The following ADAMTS10 variants were observed in gnomAD, a reference collection of about 807,000 sequenced individuals.
ADAMTS10 encodes the protein A disintegrin and metalloproteinase with thrombospondin motifs 10.
ADAMTS10 carries 48 observed loss-of-function variants against 135.9 expected under a neutral mutation model. That is an observed-to-expected ratio of 0.35 (90% CI 0.28 to 0.45). ADAMTS10 has a LOEUF of 0.45. Ranked by LOEUF, ADAMTS10 falls within the 20% of genes least tolerant of loss-of-function variation. ADAMTS10 has a pLI of 1.00. For synonymous variants in ADAMTS10, 621 were observed against 647.5 expected (o/e 0.96, Z 0.62); for missense variants, 1,131 against 1,565.2 (o/e 0.72, Z 4.68).
chr19:8,580,706 T>G lies in ADAMTS10; in HGVS notation c.*187A>C. On this transcript the variant is annotated 3_prime_UTR_variant, in exon 26 of 26. Coordinates refer to ENST00000597188, the MANE Select transcript of ADAMTS10 (RefSeq NM_030957.4). ...AGGGGCGGATGCTGAAGAGGGGCTC[T>G]GGGGGGATAGCCAGCCCCTCTCCAT... is the stretch of plus-strand genomic sequence containing the variant. 1 of 592,406 alleles carries G rather than the reference T, an allele frequency of 1.7e-6. No individual in the cohort carries two copies. The highest frequency in any genetic ancestry group is 1.9e-5 in the South Asian group (1 of 51,892). 36.7% of individuals were successfully genotyped at this position (592,406 alleles called of 1,614,324 possible).
chr19:8,607,210 A>G (rs1292817855), intron 2 of ADAMTS10, among the ~76,000 whole-genome samples: 1 of 152,202 alleles, frequency 6.6e-6, no homozygotes, highest in Non-Finnish European at 1.5e-5. Flanking sequence ...GGGTAGCACC[A>G]TTCAAGCCAG....
rs1555741941 is a variant in ADAMTS10 at position 8,603,806 on chromosome 19, C to T, written c.514G>A (p.Glu172Lys). The T allele has an allele frequency of 4.3e-6, 7 of 1,614,158 alleles. No homozygotes were observed. The highest frequency in any genetic ancestry group is 5.9e-6 in the Non-Finnish European group (7 of 1,180,042). Residue 172 changes from glutamate (E) to lysine (K), a missense_variant, in exon 5 of 26, where the codon GAG becomes AAG. Physicochemically the swap from Glu to Lys is moderately conservative, Grantham distance 56 (BLOSUM62 1). Around this residue, in one of 3 missense-constraint regions of ADAMTS10, gnomAD observed 306 missense variants for 344.4 expected, o/e 0.89. Transcript: ENST00000597188. ...HGGPKGSRSP[E>K]ESGPHVVYKR... ...TACACCACATGTGGTCCACTTTCCT[C>T]CGGGCTCCGAGAACCCTTGGGCCCA...
chr19:8,605,943 C>T lies in ADAMTS10; in HGVS notation c.-99-134G>A. 1.2e-6 allele frequency: 1 copy of T among 823,128 alleles called. No homozygotes were observed. The highest frequency in any genetic ancestry group is 1.8e-6 in the Non-Finnish European group (1 of 543,416). 51.0% of individuals were successfully genotyped at this position (823,128 alleles called of 1,614,324 possible). ...TGCATTTTCTCACTCAGTCACTCCC[C>T]TCTCCCCACCTCCCCTTCCAATCCT... On this transcript the variant is annotated intron_variant, in intron 2 of 25. Transcript: ENST00000597188. This position sits in a 1 kb window ranked among gnomAD's most constrained non-coding sequence, Gnocchi z 7.7.
In ADAMTS10 at chr19:8,585,522, T is replaced by A. The variant is rs1555736792; in HGVS notation, c.2799A>T (p.Pro933=). 1 of 1,555,346 alleles carries A rather than the reference T, an allele frequency of 6.4e-7. No homozygotes were observed. The highest frequency in any genetic ancestry group is 1.9e-5 in the Admixed American group (1 of 51,828). The part of the protein sequence containing the change: ...LDDSACPQPR[P]PVLEACHGPT... ...GGCCGTGGCAGGCCTCCAGTACAGG[T>A]GGGCGCGGCTGCGGGCATGCGCTGT... The change falls in exon 23 of 26, where the codon CCA becomes CCT. Residue 933 remains proline (P), a synonymous_variant. Coordinates refer to ENST00000597188, the MANE Select transcript of ADAMTS10 (RefSeq NM_030957.4).
intron 13 of ADAMTS10, chr19:8,592,318 G>A (rs2042545377): frequency 3.2e-6 from 3 of 925,882 alleles, no homozygotes; most frequent in Non-Finnish European, 4.8e-6. Context: ...AGCACAGGGT[G>A]CTTAACGGGG....
chr19:8,596,440 GC>G lies in ADAMTS10; in HGVS notation c.1085-29del. On this transcript the variant is annotated intron_variant, in intron 9 of 25. Transcript: ENST00000597188. The surrounding 1 kb of genome is among the most constrained non-coding windows in gnomAD (Gnocchi z 7.2). The stretch of plus-strand genomic sequence containing the variant: ...GGGAAGACGGACATGTGGGGATGGG[GC>G]TGGGAGGCTCAGGACGGTGCTGGCT... 6.2e-7 allele frequency: 1 copy of G among 1,613,612 alleles called. No individual in the cohort carries two copies. Among genetic ancestry groups the G allele is most frequent in the Admixed American group, 1.7e-5 (1 of 59,962 alleles).
intron 18 of ADAMTS10, among the ~76,000 whole-genome samples, chr19:8,588,778 G>C (rs2042474903): frequency 6.6e-6 from 1 of 151,772 alleles, no homozygotes; most frequent in South Asian, 2.1e-4. Flanking sequence ...ACAGATTCGG[G>C]CTCCTGTCTC....
At chr19:8,592,429 G>A (rs1050737682) in intron 13 of ADAMTS10, among the ~76,000 whole-genome samples, 1 of 152,028 alleles carries the variant, frequency 6.6e-6, no homozygotes. Flanking sequence ...CCAGAGCCGA[G>A]GGCAGCACAG....
rs1211594981 is a variant in ADAMTS10, at chr19:8,605,367, G to T, written c.89-9C>A. 2 of 1,585,952 alleles carry T rather than the reference G, an allele frequency of 1.3e-6. No homozygotes were observed. The highest frequency in any genetic ancestry group is 1.3e-5 in the African/African-American group (1 of 74,506). ...ACTGGACAGGAACTCATCTGTGGGT[G>T]AGGGTCAGAGGCCTGGGGTGGGCCC... On this transcript the variant is annotated splice_polypyrimidine_tract_variant and intron_variant, in intron 3 of 25. Coordinates refer to ENST00000597188, the MANE Select transcript of ADAMTS10 (RefSeq NM_030957.4). This position sits in a 1 kb window ranked among gnomAD's most constrained non-coding sequence, Gnocchi z 7.7.
At chr19:8,581,695 C>T (rs782471669) in intron 25 of ADAMTS10, among the ~76,000 whole-genome samples, 9 of 151,702 alleles carry the variant, frequency 5.9e-5, no homozygotes, top group African/African-American at 9.7e-5. Context: ...ATTAGCTGGG[C>T]GTGGTGGCGG....
At chr19:8,585,109 C>G (rs1441496204) in intron 24 of ADAMTS10, 23 bp downstream of exon 24, 1 of 1,462,024 alleles carries the variant, frequency 6.8e-7, no homozygotes, top group African/African-American at 1.5e-5. Flanking sequence ...TGGCCCCCAC[C>G]CCTCTGGGGC....
chr19:8,584,767 TG>T, intron 25 of ADAMTS10, 127 bp downstream of exon 25: 1 of 1,334,882 alleles, frequency 7.5e-7, no homozygotes, highest in Non-Finnish European at 1.0e-6. Flanking sequence ...AAGGATGGCC[TG>T]GCAGAGACAC....
chr19:8,585,396 C>T, intron 23 of ADAMTS10, 60 bp downstream of exon 23: 2 of 1,535,642 alleles, frequency 1.3e-6, no homozygotes, highest in Non-Finnish European at 1.7e-6. Context: ...CGCGCAGAGG[C>T]GTCTCCGTGG....
At position 8,595,743 on chromosome 19, in the gene ADAMTS10, G is replaced by A. The variant is rs1555739970; in HGVS notation, c.1479+19C>T. ...GCCCCCTCCCCTCCCAGGAAGGAAA[G>A]CAGGAAGACTCTCTCTACCCCGTAT... On this transcript the variant is annotated intron_variant, in intron 12 of 25. Coordinates refer to ENST00000597188, the MANE Select transcript of ADAMTS10 (RefSeq NM_030957.4). 7.4e-7 allele frequency: 1 copy of A among 1,345,272 alleles called. No homozygotes were observed. Among genetic ancestry groups the A allele is most frequent in the Non-Finnish European group, 1.0e-6 (1 of 1,000,636 alleles). The allele number at this position is 1,345,272 out of a possible 1,614,324, so 83.3% of individuals were successfully genotyped here. A position where few individuals can be genotyped will look rare whatever the true frequency, so the allele number is the denominator to read the frequency against.
intron 1 of ADAMTS10, among the ~76,000 whole-genome samples, chr19:8,608,942 G>A (rs149152007): frequency 1.4e-4 from 21 of 150,684 alleles, no homozygotes; most frequent in Admixed American, 8.6e-4. Context: ...GCTCACAGGC[G>A]TCTGAGCTGG....
chr19:8,610,425 A>ACACACACG (rs2042768474), intron 1 of ADAMTS10, among the ~76,000 whole-genome samples: 1 of 148,968 alleles, frequency 6.7e-6, no homozygotes, highest in Non-Finnish European at 1.5e-5. Flanking sequence ...GTGGACGGAC[A>ACACACACG]CACACACACA....
chr19:8,596,613 G>A lies in ADAMTS10; in HGVS notation c.1041-28C>T. 1 of 1,611,272 alleles carries A rather than the reference G, an allele frequency of 6.2e-7. No homozygotes were observed. The highest frequency in any genetic ancestry group is 2.2e-5 in the East Asian group (1 of 44,876). On this transcript the variant is annotated intron_variant, in intron 8 of 25. Transcript: ENST00000597188. This position sits in a 1 kb window ranked among gnomAD's most constrained non-coding sequence, Gnocchi z 7.2. The stretch of plus-strand genomic sequence containing the variant: ...GTAAAAGGAGACAGGGTCAGTGAGG[G>A]GGCTGGGCTGTCTCCCTAAGCCCTG...
At chr19:8,595,482 T>C in intron 12 of ADAMTS10, 2 of 473,760 alleles carry the variant, frequency 4.2e-6, no homozygotes, top group Non-Finnish European at 7.8e-6. Context: ...GGGGGTGTGA[T>C]GTGCCAGACA....
chr19:8,603,499 C>T (rs962110976), intron 5 of ADAMTS10, among the ~76,000 whole-genome samples: 2 of 152,136 alleles, frequency 1.3e-5, no homozygotes, highest in African/African-American at 4.8e-5. Context: ...GTCTTGAACT[C>T]CTGACCTCAG....
Sources: gnomAD v4.1 joint callset for allele counts (sites outside exome capture counted in the v4.1 genomes callset) on GRCh38, gnomAD v4.1.1 for gene constraint, gnomAD v4.1.1 regional missense constraint, Gnocchi (gnomAD v3.1) non-coding constraint, MANE v1.5 for transcripts, NCBI Gene and HGNC (gene_info 2026-07-23, HGNC 2026-07-21) for gene names.